The following CPAP variants were observed in gnomAD, a reference collection of about 807,000 sequenced individuals.
The protein encoded by CPAP is centrosomal P4.1-associated protein.
At chr13:24,917,733 G>T in the CPAP span, among the ~76,000 whole-genome samples, 1 of 152,194 alleles carries the variant, frequency 6.6e-6, no homozygotes, top group Non-Finnish European at 1.5e-5. Context: ...TACCAGAGAA[G>T]AGACTAGGTA....
the CPAP span, chr13:24,924,959 G>A: frequency 7.9e-5 from 12 of 152,084 alleles, no homozygotes; most frequent in African/African-American, 2.7e-4. Context: ...GTATGAAAAA[G>A]TAGCAAAAAA....
At chr13:24,904,406 CCAAAAT>C in the CPAP span, among the ~76,000 whole-genome samples, 1 of 152,144 alleles carries the variant, frequency 6.6e-6, no homozygotes, top group Non-Finnish European at 1.5e-5. Flanking sequence ...CTAATCAACA[CCAAAAT>C]CAAAGTTTAC....
chr13:24,904,015 T>A, the CPAP span: 1 of 1,614,100 alleles, frequency 6.2e-7, no homozygotes, highest in Admixed American at 1.7e-5. Flanking sequence ...CTGTTTCCAA[T>A]TCAATAATTT....
chr13:24,883,606 T>C, the CPAP span, among the ~76,000 whole-genome samples: 1 of 152,200 alleles, frequency 6.6e-6, no homozygotes, highest in Admixed American at 6.5e-5. Flanking sequence ...TTAGTAACTT[T>C]TTTCAACTTG....
At chr13:24,885,996 A>C in the CPAP span, 2 of 401,306 alleles carry the variant, frequency 5.0e-6, no homozygotes, top group South Asian at 4.4e-5. Context: ...AGACCTGTGG[A>C]ATTTGGCTTC....
the CPAP span, chr13:24,884,330 T>G: frequency 6.2e-7 from 1 of 1,614,186 alleles, no homozygotes; most frequent in Non-Finnish European, 8.5e-7. Flanking sequence ...TACCACTCTT[T>G]GGTCTGGCAT....
the CPAP span, among the ~76,000 whole-genome samples, chr13:24,920,073 A>C: frequency 6.6e-6 from 1 of 152,182 alleles, no homozygotes; most frequent in Non-Finnish European, 1.5e-5. Context: ...CGCCCAGCCT[A>C]AAAATCAGTT....
the CPAP span, among the ~76,000 whole-genome samples, chr13:24,890,458 T>G: frequency 6.6e-6 from 1 of 152,166 alleles, no homozygotes; most frequent in Non-Finnish European, 1.5e-5. Context: ...GCTTGCCATG[T>G]CCTGAAAGCC....
At chr13:24,884,261 G>T in the CPAP span, 3 of 1,614,078 alleles carry the variant, frequency 1.9e-6, no homozygotes, top group Non-Finnish European at 2.5e-6. Context: ...AAGACACACA[G>T]TCAGTCTGCC....
At chr13:24,889,157 G>T in the CPAP span, 1 of 648,292 alleles carries the variant, frequency 1.5e-6, no homozygotes, top group Non-Finnish European at 2.7e-6. Flanking sequence ...ATTAACTGGC[G>T]GAATAAGATG....
the CPAP span, among the ~76,000 whole-genome samples, chr13:24,923,127 C>G: frequency 6.6e-6 from 1 of 152,328 alleles, no homozygotes; most frequent in Non-Finnish European, 1.5e-5. Context: ...ACTTAGAAAA[C>G]TAAAGGGAAC....
chr13:24,918,035 G>C, the CPAP span, among the ~76,000 whole-genome samples: 3 of 152,152 alleles, frequency 2.0e-5, no homozygotes, highest in Non-Finnish European at 2.9e-5. Context: ...GTTTTGGAGC[G>C]GACAGTCAAG....
the CPAP span, among the ~76,000 whole-genome samples, chr13:24,897,069 A>C: frequency 1.3e-5 from 2 of 152,186 alleles, no homozygotes; most frequent in Admixed American, 6.5e-5. Flanking sequence ...CACTCTAAGA[A>C]TTGCTAGTAG....
the CPAP span, among the ~76,000 whole-genome samples, chr13:24,895,625 CCAAA>C: frequency 6.6e-6 from 1 of 152,070 alleles, no homozygotes; most frequent in African/African-American, 2.4e-5. Flanking sequence ...AAAGCCAAAA[CCAAA>C]CAGTCTTAAA....
At chr13:24,905,666 A>T in the CPAP span, 17 of 1,614,180 alleles carry the variant, frequency 1.1e-5, no homozygotes, top group Middle Eastern at 1.6e-4. Context: ...ATCAAAGTCC[A>T]TTTTACTCAG....
the CPAP span, among the ~76,000 whole-genome samples, chr13:24,921,471 A>AC: frequency 6.6e-6 from 1 of 152,206 alleles, no homozygotes; most frequent in Non-Finnish European, 1.5e-5. Context: ...TTTGACTTCA[A>AC]CAACTGGGAA....
the CPAP span, chr13:24,912,949 C>CCAGCCG: frequency 4.3e-6 from 7 of 1,614,036 alleles, no homozygotes; most frequent in East Asian, 1.3e-4. Flanking sequence ...GACCCCAGCC[C>CCAGCCG]GAGAAGGATT....
chr13:24,932,810 C>T, the CPAP span, among the ~76,000 whole-genome samples: 1 of 152,186 alleles, frequency 6.6e-6, no homozygotes. Context: ...GCCACAAAAG[C>T]TAGAAATCAT....
At chr13:24,906,072 T>C in the CPAP span, 1 of 1,613,534 alleles carries the variant, frequency 6.2e-7, no homozygotes, top group Non-Finnish European at 8.5e-7. Context: ...TGAAGTTGTT[T>C]GGGTGCGACT....
Sources: gnomAD v4.1 joint callset for allele counts (sites outside exome capture counted in the v4.1 genomes callset) on GRCh38, gnomAD v4.1.1 for gene constraint, MANE v1.5 for transcripts, NCBI Gene and HGNC (gene_info 2026-07-23, HGNC 2026-07-21) for gene names.